Variants in UGT2B15 observed in about 807,000 individuals in gnomAD.
The protein encoded by UGT2B15 is UDP glucuronosyltransferase family 2 member B15, also known as UDP-glucuronosyltransferase 2B15.
UGT2B15 carries 36 observed loss-of-function variants against 45.9 expected under a neutral mutation model. That is an observed-to-expected ratio of 0.78 (90% confidence interval 0.60 to 1.04). The LOEUF (loss-of-function observed/expected upper bound fraction) is 1.04, where lower values mean the gene tolerates loss of function less well. Ranked by LOEUF, UGT2B15 falls within the 50% of genes least tolerant of loss-of-function variation. The pLI is 0.00. For missense variants in UGT2B15, 617 were observed against 622.4 expected (o/e 0.99, Z 0.09); for synonymous variants, 219 against 216.4 (o/e 1.01, Z -0.11).
chr4:68,648,913 A>G lies in UGT2B15; in HGVS notation c.1314-1530T>C, dbSNP rs191728082. On this transcript the variant is annotated intron_variant, in intron 5 of 5. Coordinates refer to ENST00000338206, the MANE Select transcript of UGT2B15 (RefSeq NM_001076.4). Reference sequence around the variant, plus strand: ...CCACAGATGATCTCTTCATTTTGTGATTAATGGATATTTGTGTTGTTAACA... The same window carrying G: ...CCACAGATGATCTCTTCATTTTGTGGTTAATGGATATTTGTGTTGTTAACA... 3.9e-5 allele frequency among the ~76,000 whole-genome samples: 6 copies of G among 152,134 alleles called. No individual in the cohort carries two copies. In the East Asian group the frequency reaches 1.2e-3, roughly 29 times the overall value.
chr4:68,663,542 G>C (rs1733025957), intron 2 of UGT2B15, among the ~76,000 whole-genome samples: 1 of 151,860 alleles, frequency 6.6e-6, no homozygotes, highest in Admixed American at 6.6e-5. Flanking sequence ...AATCTCTTGT[G>C]TTTATTTGGG....
intron 5 of UGT2B15, among the ~76,000 whole-genome samples, chr4:68,653,583 T>C (rs1732715055): frequency 1.3e-5 from 2 of 151,976 alleles, no homozygotes; most frequent in Admixed American, 6.6e-5. Context: ...ACTAAATATA[T>C]TTAGATTTTA....
In UGT2B15 at chr4:68,647,112, T is replaced by G. The variant is rs759452540; in HGVS notation, c.1585A>C (p.Arg529=). Reference sequence around the variant, plus strand: ...TCAGGCTTTTGATATAACTAATCTCTTTTCTTCTTCTTTCCTTTTTTGGCA... The same window carrying G: ...TCAGGCTTTTGATATAACTAATCTCGTTTCTTCTTCTTTCCTTTTTTGGCA... ...KLAKKGKKKK[R]D Residue 529 remains arginine (R), a synonymous_variant, in exon 6 of 6, where the codon AGA becomes CGA. Transcript: ENST00000338206. The G allele has an allele frequency of 1.9e-6, 3 of 1,613,064 alleles. No homozygotes were observed. The African/African-American group carries it at 4.0e-5, about 22-fold the overall frequency.
chr4:68,650,695 T>C (rs1732628172), intron 5 of UGT2B15, among the ~76,000 whole-genome samples: 1 of 152,104 alleles, frequency 6.6e-6, no homozygotes, highest in South Asian at 2.1e-4. Context: ...ATGGTGTTTC[T>C]GGTTCTAGGT....
intron 4 of UGT2B15, among the ~76,000 whole-genome samples, 186 bp downstream of exon 4, chr4:68,654,909 A>G (rs1482038150): frequency 2.0e-5 from 3 of 152,134 alleles, no homozygotes; most frequent in Non-Finnish European, 4.4e-5. Context: ...TGTATGTAAT[A>G]AAATGCCAAC....
intron 2 of UGT2B15, among the ~76,000 whole-genome samples, chr4:68,664,266 C>CA (rs151053424): frequency 0.35 from 49,595 of 142,762 alleles, 9,054 homozygotes; most frequent in East Asian, 0.72. Context: ...ATTCTCACAC[C>CA]AAAAAAAAAA....
chr4:68,655,067 A>G, intron 4 of UGT2B15, 28 bp downstream of exon 4: 1 of 1,605,154 alleles, frequency 6.2e-7, no homozygotes, highest in Non-Finnish European at 8.5e-7. Context: ...TTACTAATAT[A>G]TTCACTGTTT....
chr4:68,646,853 T>A lies in UGT2B15; in HGVS notation c.*251A>T. The A allele has an allele frequency of 1.9e-6, 1 of 516,662 alleles. No homozygotes were observed. The highest frequency in any genetic ancestry group is 3.2e-6 in the Non-Finnish European group (1 of 310,112). 32.0% of individuals were successfully genotyped at this position (516,662 alleles called of 1,614,324 possible). A position where few individuals can be genotyped will look rare whatever the true frequency, so the allele number is the denominator to read the frequency against. ...GTGCTGCATCCAGTAACTCGTCATT[T>A]AACATTAGGTATATCTCCAAATGCT... On this transcript the variant is annotated 3_prime_UTR_variant, in exon 6 of 6. Coordinates refer to ENST00000338206, the MANE Select transcript of UGT2B15 (RefSeq NM_001076.4).
rs1732731721 is a variant in UGT2B15, at chr4:68,654,088, A to G, written c.1262T>C (p.Met421Thr). 5 of 1,613,568 alleles carry G rather than the reference A, an allele frequency of 3.1e-6. No individual in the cohort carries two copies. The highest frequency in any genetic ancestry group is 4.2e-6 in the Non-Finnish European group (5 of 1,179,624). ...GAALSVDIRT[M>T]SSRDLLNALK... ...TGCATTGAGCAAATCTCTACTTGAC[A>G]TGGTCCTGATGTCCACACTGAGGGC... is the stretch of plus-strand genomic sequence containing the variant. The change falls in exon 5 of 6, where the codon ATG becomes ACG. Residue 421 changes from methionine (M) to threonine (T), a missense_variant. Physicochemically the swap from Met to Thr is moderately conservative, Grantham distance 81. Coordinates refer to ENST00000338206, the MANE Select transcript of UGT2B15 (RefSeq NM_001076.4).
In UGT2B15 at chr4:68,669,896, T is replaced by C; in HGVS notation, c.723A>G (p.Leu241=). Residue 241 remains leucine (L), a splice_region_variant and synonymous_variant, in exon 1 of 6, where the codon CTA becomes CTG. Transcript: ENST00000338206. ...GCACCAGTTAGACACATGACTTACC[T>C]AGAACTTCACTATAAAACTGGTCCC... ...KKWDQFYSEV[L]GRPTTLFETM... 6.2e-7 allele frequency: 1 copy of C among 1,606,146 alleles called. No homozygotes were observed.
At chr4:68,664,314 T>C (rs1158986883) in intron 2 of UGT2B15, among the ~76,000 whole-genome samples, 7 of 149,740 alleles carry the variant, frequency 4.7e-5, no homozygotes, top group Admixed American at 4.7e-4. Context: ...TGTAGACCCA[T>C]AAGTTTCCTG....
rs763615839 is a variant in UGT2B15, at chr4:68,670,568, G to A, written c.51C>T (p.Tyr17=). The A allele has an allele frequency of 1.2e-6, 2 of 1,604,426 alleles. No individual in the cohort carries two copies. Among genetic ancestry groups the A allele is most frequent in the South Asian group, 2.3e-5 (2 of 88,730 alleles). The change falls in exon 1 of 6, where the codon TAC becomes TAT. Residue 17 remains tyrosine (Y), a synonymous_variant. Coordinates refer to ENST00000338206, the MANE Select transcript of UGT2B15 (RefSeq NM_001076.4). ...CCTTTCCACAGCTTCCAGAGCTAAA[G>A]TAACAACTGAGCTGTATCAGCAGAA... ...SVFLLIQLSC[Y]FSSGSCGKVL... is the part of the protein sequence containing the mutation.
intron 3 of UGT2B15, among the ~76,000 whole-genome samples, chr4:68,656,941 G>C (rs1181170910): frequency 6.6e-6 from 1 of 152,034 alleles, no homozygotes; most frequent in East Asian, 1.9e-4. Flanking sequence ...AGTAGGGGGT[G>C]GCTGAGTACA....
chr4:68,660,238 C>A (rs1732924023), intron 3 of UGT2B15, among the ~76,000 whole-genome samples: 1 of 150,788 alleles, frequency 6.6e-6, no homozygotes, highest in Non-Finnish European at 1.5e-5. Context: ...AATAAAACCC[C>A]TTGGGAAAAC....
chr4:68,658,989 A>T (rs1732886240), intron 3 of UGT2B15, among the ~76,000 whole-genome samples: 1 of 152,028 alleles, frequency 6.6e-6, no homozygotes. Flanking sequence ...AGACCAACAT[A>T]TGGGCCCCTG....
intron 3 of UGT2B15, among the ~76,000 whole-genome samples, chr4:68,659,555 C>T (rs752433199): frequency 1.6e-4 from 25 of 151,850 alleles, no homozygotes; most frequent in Admixed American, 3.9e-4. Context: ...TTAGTGTGTA[C>T]GTTATCAGTA....
Position 68,670,222 on chromosome 4 carries a change from A to G in UGT2B15, c.397T>C (p.Leu133=). The G allele has an allele frequency of 1.2e-6, 2 of 1,614,004 alleles. No individual in the cohort carries two copies. Among genetic ancestry groups the G allele is most frequent in the Non-Finnish European group, 1.7e-6 (2 of 1,179,980 alleles). Residue 133 remains leucine (L), a synonymous_variant, in exon 1 of 6, where the codon TTG becomes CTG. Coordinates refer to ENST00000338206, the MANE Select transcript of UGT2B15 (RefSeq NM_001076.4). The part of the protein sequence containing the change: ...YSNKLCKDAV[L]NKKLMMKLQE... ...AGTTTCATCATAAGTTTCTTATTCA[A>G]AACTGCATCTTTACAGAGCTTGTTA...
In UGT2B15 at chr4:68,650,221, C is replaced by T. The variant is rs533549001; in HGVS notation, c.1314-2838G>A. ...TGCAGGTTTGTTACATACGTATATACGTGCCATGGTGGTTTGCAGCACCGA... is the reference window on the plus strand; with the variant it reads ...TGCAGGTTTGTTACATACGTATATATGTGCCATGGTGGTTTGCAGCACCGA... On this transcript the variant is annotated intron_variant, in intron 5 of 5. Transcript: ENST00000338206. Among the ~76,000 whole-genome samples the T allele has an allele frequency of 1.4e-4, 21 of 152,026 alleles. 1 individual carries two copies. The highest frequency in any genetic ancestry group is 3.1e-4 in the African/African-American group (13 of 41,446).
At chr4:68,662,552 C>T (rs1732996894) in intron 3 of UGT2B15, among the ~76,000 whole-genome samples, 3 of 147,770 alleles carry the variant, frequency 2.0e-5, no homozygotes, top group South Asian at 4.3e-4. Flanking sequence ...CTTGGTAAGA[C>T]GAAGCTGCAT....
Sources: allele counts gnomAD v4.1 joint callset (sites outside exome capture counted in the v4.1 genomes callset), GRCh38; gene constraint gnomAD v4.1.1; transcripts MANE v1.5; gene names NCBI Gene and HGNC (gene_info 2026-07-23, HGNC 2026-07-21).